The following CEP128 variants were observed in gnomAD, a reference collection of about 807,000 sequenced individuals.
CEP128 encodes the protein centrosomal protein 128kDa.
In CEP128, 132 loss-of-function variants were observed where a neutral mutation model predicts 156.7. That is an observed-to-expected ratio of 0.84 (90% CI 0.73 to 0.97). The LOEUF (loss-of-function observed/expected upper bound fraction) is 0.97. CEP128 is among the 50% of genes least tolerant of loss of function. The pLI is 0.00. For synonymous variants in CEP128, 469 were observed against 448.9 expected (o/e 1.04, Z -0.57); for missense variants, 1,252 against 1,281.9 (o/e 0.98, Z 0.36).
intron 2 of CEP128, among the ~76,000 whole-genome samples, chr14:80,917,028 G>T (rs548238857): frequency 1.3e-5 from 2 of 152,018 alleles, no homozygotes; most frequent in Admixed American, 1.3e-4. Flanking sequence ...ACAATAAGGC[G>T]GTCTCACTCA....
At chr14:80,738,203 A>G (rs1377359478) in intron 19 of CEP128, among the ~76,000 whole-genome samples, 4 of 152,336 alleles carry the variant, frequency 2.6e-5, no homozygotes, top group African/African-American at 9.6e-5. Flanking sequence ...ATGTATAAGC[A>G]CAACATAAAG....
intron 19 of CEP128, among the ~76,000 whole-genome samples, chr14:80,718,632 A>G (rs1309915939): frequency 6.6e-6 from 1 of 152,208 alleles, no homozygotes; most frequent in East Asian, 1.9e-4. Flanking sequence ...GTGATCTTGT[A>G]GTGATACTGA....
chr14:80,704,676 A>T (rs1897179106), intron 19 of CEP128, among the ~76,000 whole-genome samples: 1 of 151,720 alleles, frequency 6.6e-6, no homozygotes, highest in Admixed American at 6.6e-5. Context: ...GTTGACTATA[A>T]TTTTTTTATA....
Position 80,880,900 on chromosome 14 carries a change from A to AT in CEP128, c.645+14817dup, listed in dbSNP as rs1363952809. Among the ~76,000 whole-genome samples the AT allele has an allele frequency of 4.7e-4, 67 of 141,494 alleles. 1 individual carries two copies. The East Asian group carries it at 9.4e-3, about 20-fold the overall frequency. 92.8% of individuals were successfully genotyped at this position (141,494 alleles called of 152,430 possible). On this transcript the variant is annotated intron_variant, in intron 8 of 24. Transcript: ENST00000555265. Reference sequence around the variant, plus strand: ...AATAATAATAATAATAATAATAATAATAATAATAATTTCAGTAAAGGATAC... The same window carrying AT: ...AATAATAATAATAATAATAATAATAATTAATAATAATTTCAGTAAAGGATAC...
At chr14:80,664,395 G>A (rs772935636) in intron 19 of CEP128, among the ~76,000 whole-genome samples, 2 of 152,002 alleles carry the variant, frequency 1.3e-5, no homozygotes. Flanking sequence ...TATTTTAACA[G>A]TGAGCAAGCT....
At chr14:80,721,375 A>G (rs1036158186) in intron 19 of CEP128, among the ~76,000 whole-genome samples, 1 of 152,218 alleles carries the variant, frequency 6.6e-6, no homozygotes, top group African/African-American at 2.4e-5. Flanking sequence ...TATGTTAGCC[A>G]TGAGCCACAT....
rs767825237 is a variant in CEP128 at position 80,580,442 on chromosome 14, A to G, written c.2807-19T>C. On this transcript the variant is annotated intron_variant, in intron 19 of 24. Coordinates refer to ENST00000555265, the MANE Select transcript of CEP128 (RefSeq NM_152446.5). The stretch of plus-strand genomic sequence containing the variant: ...AGTAGATCTGTAATAAGAAAGTAAA[A>G]TACCCATCAAAATACAATGTAAAAA... The G allele has an allele frequency of 2.0e-5, 31 of 1,513,956 alleles. No homozygotes were observed. The highest frequency in any genetic ancestry group is 5.1e-5 in the Admixed American group (3 of 59,046). The allele number at this position is 1,513,956 out of a possible 1,614,324, so 93.8% of individuals were successfully genotyped here. A position where few individuals can be genotyped will look rare whatever the true frequency, so the allele number is the denominator to read the frequency against.
chr14:80,712,950 T>A (rs1312479863), intron 19 of CEP128, among the ~76,000 whole-genome samples: 1 of 152,080 alleles, frequency 6.6e-6, no homozygotes, highest in Non-Finnish European at 1.5e-5. Flanking sequence ...AAATACTAGG[T>A]TGAATCAACC....
At chr14:80,646,994 A>AATATATATATATATATAT (rs372341494) in intron 19 of CEP128, among the ~76,000 whole-genome samples, 2 of 76,592 alleles carry the variant, frequency 2.6e-5, no homozygotes, top group Admixed American at 1.6e-4. Context: ...ATTTATAAGA[A>AATATATATATATATATAT]ATATATATAT....
intron 19 of CEP128, among the ~76,000 whole-genome samples, chr14:80,681,753 G>A (rs748163503): frequency 2.6e-5 from 4 of 152,180 alleles, no homozygotes; most frequent in Non-Finnish European, 4.4e-5. Flanking sequence ...GCTGAACTGT[G>A]AGTCAATTAA....
intron 17 of CEP128, among the ~76,000 whole-genome samples, chr14:80,759,861 TAACA>T (rs1899866544): frequency 6.6e-6 from 1 of 151,842 alleles, no homozygotes; most frequent in African/African-American, 2.4e-5. Context: ...CAATTGCCCA[TAACA>T]AACTGTGTAT....
intron 8 of CEP128, among the ~76,000 whole-genome samples, chr14:80,869,718 G>GTAA (rs1887935477): frequency 6.6e-6 from 1 of 151,938 alleles, no homozygotes; most frequent in Non-Finnish European, 1.5e-5. Flanking sequence ...TGTTACATAG[G>GTAA]TAAACTTGTG....
At chr14:80,782,090 C>T (rs1235965966) in intron 15 of CEP128, among the ~76,000 whole-genome samples, 2 of 152,202 alleles carry the variant, frequency 1.3e-5, no homozygotes, top group Admixed American at 6.5e-5. Flanking sequence ...CCCTGCCTTC[C>T]TTTCACATCA....
intron 20 of CEP128, among the ~76,000 whole-genome samples, chr14:80,566,627 T>G (rs1890920509): frequency 6.6e-6 from 1 of 152,326 alleles, no homozygotes; most frequent in Admixed American, 6.5e-5. Context: ...TATATAAAAT[T>G]GTATGCTATC....
intron 20 of CEP128, among the ~76,000 whole-genome samples, chr14:80,569,327 T>C (rs750464259): frequency 1.3e-5 from 2 of 152,244 alleles, no homozygotes; most frequent in African/African-American, 2.4e-5. Flanking sequence ...AAATAAAGAG[T>C]AGTGATTTAG....
intron 19 of CEP128, among the ~76,000 whole-genome samples, chr14:80,659,424 C>T (rs1895305998): frequency 1.3e-5 from 2 of 152,128 alleles, no homozygotes; most frequent in Non-Finnish European, 2.9e-5. Flanking sequence ...TGGCACATAA[C>T]AAGGGCACCA....
chr14:80,698,107 G>A (rs1896950988), intron 19 of CEP128, among the ~76,000 whole-genome samples: 1 of 151,804 alleles, frequency 6.6e-6, no homozygotes, highest in African/African-American at 2.4e-5. Context: ...TCTTAAAAAT[G>A]TTTTAGGAAT....
At chr14:80,798,328 G>T (rs1227436598) in intron 13 of CEP128, among the ~76,000 whole-genome samples, 1 of 152,098 alleles carries the variant, frequency 6.6e-6, no homozygotes, top group Admixed American at 6.6e-5. Flanking sequence ...TTATTAAAGA[G>T]GAAAGAAAGA....
intron 4 of CEP128, among the ~76,000 whole-genome samples, chr14:80,911,304 G>A (rs1481548368): frequency 6.6e-6 from 1 of 152,118 alleles, no homozygotes; most frequent in Non-Finnish European, 1.5e-5. Context: ...TTCAAGACCA[G>A]CCTGGCCAAC....
Sources: allele counts gnomAD v4.1 joint callset (sites outside exome capture counted in the v4.1 genomes callset), GRCh38; gene constraint gnomAD v4.1.1; transcripts MANE v1.5; gene names NCBI Gene and HGNC (gene_info 2026-07-23, HGNC 2026-07-21).